Variants in SNX29 observed in about 807,000 individuals in gnomAD.
SNX29 encodes the protein sorting nexin-29.
In SNX29, 78 loss-of-function variants were observed where a neutral mutation model predicts 102.1. The observed-to-expected ratio is 0.76, with a 90% CI of 0.64 to 0.92. The LOEUF (loss-of-function observed/expected upper bound fraction) is 0.92, where lower values mean the gene tolerates loss of function less well. Among genes scored for constraint, SNX29 ranks in the 40% least tolerant of loss-of-function variants. The pLI, the probability that SNX29 is intolerant of heterozygous loss-of-function variation, is 0.00. For missense variants in SNX29, 1,280 were observed against 1,061.7 expected, an observed-to-expected ratio of 1.21 and a Z score of -2.86; for synonymous variants, 580 against 414.5, an observed-to-expected ratio of 1.40 and a Z score of -4.85.
intron 19 of SNX29, among the ~76,000 whole-genome samples, chr16:12,522,569 C>T (rs1373605183): frequency 1.3e-5 from 2 of 152,100 alleles, no homozygotes; most frequent in African/African-American, 4.8e-5. Flanking sequence ...TTCCTCCTTG[C>T]TGTTCTCATG....
At chr16:12,217,619 C>T (rs1342487461) in intron 14 of SNX29, among the ~76,000 whole-genome samples, 1 of 152,200 alleles carries the variant, frequency 6.6e-6, no homozygotes, top group Non-Finnish European at 1.5e-5. Flanking sequence ...CTTAATGTTT[C>T]AGCAGTAAGA....
Position 12,419,562 on chromosome 16 carries a change from G to GCCC in SNX29, c.2037+16042_2037+16044dup, listed in dbSNP as rs34648432. Among the ~76,000 whole-genome samples, 202 of 147,564 alleles carry GCCC rather than the reference G, an allele frequency of 1.4e-3. 1 individual carries two copies. The highest frequency in any genetic ancestry group is 4.5e-3 in the African/African-American group (178 of 39,778). On this transcript the variant is annotated intron_variant, in intron 18 of 20. Coordinates refer to ENST00000566228, the MANE Select transcript of SNX29 (RefSeq NM_032167.5). The stretch of plus-strand genomic sequence containing the variant: ...TAGGGGCTTAGTGTCATCAGACTCA[G>GCCC]CCCCCCCCCCCATCTTTCTGTCGAT...
At chr16:12,455,168 G>A (rs983966213) in intron 18 of SNX29, among the ~76,000 whole-genome samples, 11 of 152,110 alleles carry the variant, frequency 7.2e-5, no homozygotes, top group Admixed American at 5.2e-4. Context: ...CCTTCTAGAC[G>A]ACCTGAGTCT....
At chr16:12,379,970 A>G (rs2083013207) in intron 16 of SNX29, among the ~76,000 whole-genome samples, 1 of 152,118 alleles carries the variant, frequency 6.6e-6, no homozygotes, top group Non-Finnish European at 1.5e-5. Context: ...AGGCTTCAGT[A>G]TTGAATGTCA....
intron 16 of SNX29, among the ~76,000 whole-genome samples, chr16:12,395,981 A>G (rs2151485169): frequency 6.6e-6 from 1 of 152,356 alleles, no homozygotes; most frequent in South Asian, 2.1e-4. Context: ...AACGGAGGTT[A>G]GAAAGTTCCC....
chr16:12,350,344 A>G (rs1461196384), intron 15 of SNX29, among the ~76,000 whole-genome samples: 2 of 152,202 alleles, frequency 1.3e-5, no homozygotes, highest in South Asian at 4.1e-4. Context: ...TAGCACTTAC[A>G]TCATATCAGG....
intron 14 of SNX29, among the ~76,000 whole-genome samples, chr16:12,205,126 T>G (rs1313256982): frequency 6.6e-6 from 1 of 152,202 alleles, no homozygotes; most frequent in East Asian, 1.9e-4. Flanking sequence ...GCTAAATGAT[T>G]CCTAGAGCCC....
intron 20 of SNX29, among the ~76,000 whole-genome samples, chr16:12,540,823 A>G (rs1285299066): frequency 6.6e-6 from 1 of 152,210 alleles, no homozygotes; most frequent in Non-Finnish European, 1.5e-5. Context: ...GAGAAGGGGC[A>G]AAAAGAAACA....
chr16:12,288,385 A>C (rs933558336), intron 15 of SNX29, among the ~76,000 whole-genome samples: 11 of 152,348 alleles, frequency 7.2e-5, no homozygotes, highest in Admixed American at 4.6e-4. Flanking sequence ...TAATCTACAC[A>C]TAAGTAAAAG....
At chr16:12,543,593 C>A (rs1387737633) in intron 20 of SNX29, among the ~76,000 whole-genome samples, 3 of 152,226 alleles carry the variant, frequency 2.0e-5, no homozygotes, top group East Asian at 1.9e-4. Flanking sequence ...CGTCCCAGTT[C>A]ATCCTCCCCG....
At chr16:12,015,815 G>A (rs771943548) in intron 3 of SNX29, among the ~76,000 whole-genome samples, 5 of 151,768 alleles carry the variant, frequency 3.3e-5, no homozygotes, top group Non-Finnish European at 4.4e-5. Flanking sequence ...GATTACAGGC[G>A]CCTGAGCCAC....
intron 16 of SNX29, among the ~76,000 whole-genome samples, chr16:12,378,459 AG>A (rs1425372366): frequency 6.6e-6 from 1 of 152,182 alleles, no homozygotes; most frequent in Non-Finnish European, 1.5e-5. Flanking sequence ...AGACCAGCCT[AG>A]CCAATATGGT....
intron 16 of SNX29, among the ~76,000 whole-genome samples, chr16:12,380,553 AT>A: frequency 1.0e-5 from 1 of 96,782 alleles, no homozygotes; most frequent in East Asian, 3.4e-4. Context: ...CCCACCATCC[AT>A]CCATCCACCC....
intron 13 of SNX29, among the ~76,000 whole-genome samples, chr16:12,196,890 G>C (rs1567301101): frequency 6.6e-6 from 1 of 152,074 alleles, no homozygotes; most frequent in Non-Finnish European, 1.5e-5. Flanking sequence ...CAGCGTGCTG[G>C]GATTCCAGGT....
At chr16:12,564,240 T>G (rs1256074217) in intron 20 of SNX29, among the ~76,000 whole-genome samples, 1 of 152,174 alleles carries the variant, frequency 6.6e-6, no homozygotes, top group Non-Finnish European at 1.5e-5. Context: ...GAAAAAAATC[T>G]CTACTCAGTT....
intron 14 of SNX29, among the ~76,000 whole-genome samples, chr16:12,210,729 CTCCCTCCCTCAT>C (rs1277917935): frequency 2.6e-5 from 4 of 151,920 alleles, no homozygotes; most frequent in African/African-American, 9.7e-5. Context: ...CACATGTTCC[CTCCCTCCCTCAT>C]TCCCTCCCTA....
At chr16:12,386,110 T>G (rs2083332409) in intron 16 of SNX29, among the ~76,000 whole-genome samples, 1 of 152,216 alleles carries the variant, frequency 6.6e-6, no homozygotes. Flanking sequence ...GCAAAACATC[T>G]TCTTTCCTCA....
At chr16:12,094,236 A>G (rs2052677671) in intron 11 of SNX29, among the ~76,000 whole-genome samples, 1 of 152,196 alleles carries the variant, frequency 6.6e-6, no homozygotes, top group Admixed American at 6.5e-5. Flanking sequence ...TGAGCTATCG[A>G]AGGGTGTTAT....
intron 11 of SNX29, among the ~76,000 whole-genome samples, chr16:12,109,955 T>C (rs111889975): frequency 0.022 from 3,343 of 152,248 alleles, 97 homozygotes; most frequent in Admixed American, 0.075. Context: ...GGTCTTGAAC[T>C]CCTGCCCTCG....
Sources: allele counts gnomAD v4.1 joint callset (sites outside exome capture counted in the v4.1 genomes callset), GRCh38; gene constraint gnomAD v4.1.1; transcripts MANE v1.5; gene names NCBI Gene and HGNC (gene_info 2026-07-23, HGNC 2026-07-21).